Variants in TLE4 observed in about 807,000 individuals in gnomAD.
TLE4 encodes the protein TLE family member 4, transcriptional corepressor, also known as transducin-like enhancer protein 4.
A neutral mutation model predicts 92.8 loss-of-function variants in TLE4; 8 were observed. That is an observed-to-expected ratio of 0.09 (90% CI 0.05 to 0.16). The LOEUF (loss-of-function observed/expected upper bound fraction) is 0.16, where lower values mean the gene tolerates loss of function less well. Among genes scored for constraint, TLE4 ranks in the 10% least tolerant of loss-of-function variants. TLE4 has a pLI of 1.00. For missense variants in TLE4, 675 were observed against 997.6 expected, an observed-to-expected ratio of 0.68 and a Z score of 4.36; for synonymous variants, 371 against 374.1, an observed-to-expected ratio of 0.99 and a Z score of 0.10.
At chr9:79,719,018 A>G in intron 15 of TLE4, 47 bp downstream of exon 15, 2 of 1,569,692 alleles carry the variant, frequency 1.3e-6, no homozygotes, top group African/African-American at 1.3e-5. Flanking sequence ...TTCAGAAAAC[A>G]GGAGGGGCTG....
At chr9:79,582,377 ATATCACTTTGATC>A (rs1282253695) in intron 4 of TLE4, among the ~76,000 whole-genome samples, 1 of 152,178 alleles carries the variant, frequency 6.6e-6, no homozygotes, top group Non-Finnish European at 1.5e-5. Context: ...ATCTAGGTAT[ATATCACTTTGATC>A]TGTGTAGGAA....
At chr9:79,696,956 G>A (rs1402895893) in intron 8 of TLE4, among the ~76,000 whole-genome samples, 3 of 152,152 alleles carry the variant, frequency 2.0e-5, no homozygotes, top group Admixed American at 2.0e-4. Flanking sequence ...TCAAACTCAT[G>A]TACCACATGA....
intron 4 of TLE4, among the ~76,000 whole-genome samples, chr9:79,581,558 C>T (rs1046118310): frequency 3.9e-5 from 6 of 152,150 alleles, no homozygotes; most frequent in Admixed American, 6.5e-5. Context: ...ATCTGGCTTG[C>T]GCTTACCACT....
At chr9:79,641,778 A>G (rs539809254) in intron 6 of TLE4, among the ~76,000 whole-genome samples, 37 of 152,258 alleles carry the variant, frequency 2.4e-4, no homozygotes, top group African/African-American at 8.4e-4. Flanking sequence ...ACATCACTGG[A>G]CTAAATGGTA....
chr9:79,713,399 C>T (rs1445756858), intron 14 of TLE4, among the ~76,000 whole-genome samples: 2 of 152,210 alleles, frequency 1.3e-5, no homozygotes, highest in Non-Finnish European at 2.9e-5. Flanking sequence ...TCAACTGTCT[C>T]TTATTCTCAT....
intron 4 of TLE4, among the ~76,000 whole-genome samples, chr9:79,592,336 C>T (rs1274264332): frequency 6.2e-5 from 9 of 144,740 alleles, no homozygotes; most frequent in East Asian, 4.1e-4. Context: ...AGTGCAGTGG[C>T]GTGATCATGG....
intron 6 of TLE4, among the ~76,000 whole-genome samples, chr9:79,642,960 ATGT>A (rs1164827299): frequency 1.3e-5 from 2 of 152,186 alleles, no homozygotes; most frequent in Non-Finnish European, 2.9e-5. Flanking sequence ...AGTAAATCTC[ATGT>A]TGTAAGTCAT....
intron 4 of TLE4, among the ~76,000 whole-genome samples, chr9:79,578,942 CAAA>C (rs11322127): frequency 1.2e-4 from 12 of 101,264 alleles, no homozygotes; most frequent in South Asian, 3.3e-4. Context: ...GCAGATGAAG[CAAA>C]AAAAAAAAAA....
chr9:79,665,213 A>G (rs1184167342), intron 8 of TLE4, among the ~76,000 whole-genome samples: 1 of 152,220 alleles, frequency 6.6e-6, no homozygotes, highest in East Asian at 1.9e-4. Flanking sequence ...AATTATATTA[A>G]TGGTTCCTGA....
At chr9:79,653,747 G>A (rs1006128610) in intron 7 of TLE4, among the ~76,000 whole-genome samples, 2 of 152,144 alleles carry the variant, frequency 1.3e-5, no homozygotes, top group African/African-American at 4.8e-5. Flanking sequence ...TTGTCATCCA[G>A]TTATCTTAAT....
chr9:79,602,624 T>A (rs1469547618), intron 4 of TLE4, among the ~76,000 whole-genome samples: 2 of 152,182 alleles, frequency 1.3e-5, no homozygotes, highest in African/African-American at 4.8e-5. Context: ...AAAAAAAGAT[T>A]TCTTTCAAAA....
At chr9:79,666,217 GTTTT>G (rs1162655919) in intron 8 of TLE4, among the ~76,000 whole-genome samples, 2 of 65,646 alleles carry the variant, frequency 3.0e-5, no homozygotes, top group Admixed American at 1.7e-4. Flanking sequence ...TTTTTTTTTT[GTTTT>G]TTTTTTTTTT....
intron 8 of TLE4, among the ~76,000 whole-genome samples, chr9:79,676,842 T>A (rs2063348929): frequency 6.6e-6 from 1 of 152,194 alleles, no homozygotes; most frequent in South Asian, 2.1e-4. Flanking sequence ...CCTCAAATTA[T>A]TAGTTTGAGC....
At chr9:79,580,580 CT>C (rs961453804) in intron 4 of TLE4, among the ~76,000 whole-genome samples, 1 of 151,260 alleles carries the variant, frequency 6.6e-6, no homozygotes, top group African/African-American at 2.4e-5. Flanking sequence ...CTTATGATAA[CT>C]TTTTTTTTCA....
At position 79,698,626 on chromosome 9, in the gene TLE4, T is replaced by TATA. The variant is rs567861156; in HGVS notation, c.610-6157_610-6156insATA. Among the ~76,000 whole-genome samples, 279 of 152,104 alleles carry TATA rather than the reference T, an allele frequency of 1.8e-3. 1 individual carries two copies. Among genetic ancestry groups the TATA allele is most frequent in the African/African-American group, 6.6e-3 (273 of 41,532 alleles). On this transcript the variant is annotated intron_variant, in intron 8 of 19. Coordinates refer to ENST00000376552, the MANE Select transcript of TLE4 (RefSeq NM_007005.6). ...TTAATGACTTCCTTAATCAAGCAGG[T>TATA]TATAAAAAAGAAAAACCTCTTACTG...
In TLE4 at chr9:79,666,735, GA is replaced by G. The variant is rs1224787249; in HGVS notation, c.609+12667del. Among the ~76,000 whole-genome samples the G allele has an allele frequency of 1.1e-4, 17 of 152,224 alleles. No homozygotes were observed. The East Asian group carries it at 2.9e-3, about 26-fold the overall frequency. On this transcript the variant is annotated intron_variant, in intron 8 of 19. Transcript: ENST00000376552. ...TCTATAAAAGTGAAAATGTTTAGGG[GA>G]AAAAAATGCTGCTTGTTTTCTTAGA...
chr9:79,576,242 G>T, intron 4 of TLE4, 65 bp downstream of exon 4: 1 of 1,261,302 alleles, frequency 7.9e-7, no homozygotes, highest in Non-Finnish European at 1.1e-6. Flanking sequence ...AAAGAAAATT[G>T]TATGTTTTGC....
At chr9:79,592,718 C>G (rs1186747963) in intron 4 of TLE4, among the ~76,000 whole-genome samples, 1 of 152,202 alleles carries the variant, frequency 6.6e-6, no homozygotes, top group African/African-American at 2.4e-5. Flanking sequence ...ACAGAATACT[C>G]AAAATTATTC....
intron 17 of TLE4, 140 bp downstream of exon 17, chr9:79,722,028 G>A (rs970152437): frequency 2.9e-5 from 37 of 1,261,304 alleles, no homozygotes; most frequent in Non-Finnish European, 3.7e-5. Context: ...AGCTGGGCAT[G>A]GTGGCATGTG....
Sources: gnomAD v4.1 joint callset for allele counts (sites outside exome capture counted in the v4.1 genomes callset) on GRCh38, gnomAD v4.1.1 for gene constraint, MANE v1.5 for transcripts, NCBI Gene and HGNC (gene_info 2026-07-23, HGNC 2026-07-21) for gene names.